The following SUGCT variants were observed in gnomAD, a reference collection of about 807,000 sequenced individuals.
The protein encoded by SUGCT is succinyl-CoA:glutarate CoA-transferase.
In SUGCT, 41 loss-of-function variants were observed where a neutral mutation model predicts 55.0. That is an observed-to-expected ratio of 0.74 (90% CI 0.58 to 0.97). SUGCT has a LOEUF of 0.97. Among genes scored for constraint, SUGCT ranks in the 50% least tolerant of loss-of-function variants. The pLI is 0.00. For synonymous variants in SUGCT, 187 were observed against 200.4 expected, an observed-to-expected ratio of 0.93 and a Z score of 0.56; for missense variants, 568 against 547.8, an observed-to-expected ratio of 1.04 and a Z score of -0.37.
At chr7:40,842,896 A>G (rs1793346968) in intron 13 of SUGCT, among the ~76,000 whole-genome samples, 1 of 152,188 alleles carries the variant, frequency 6.6e-6, no homozygotes, top group South Asian at 2.1e-4. Flanking sequence ...ACATGAGACT[A>G]TTTTGGTTCA....
intron 9 of SUGCT, among the ~76,000 whole-genome samples, chr7:40,401,408 T>TA (rs1786061257): frequency 6.6e-6 from 1 of 152,196 alleles, no homozygotes; most frequent in African/African-American, 2.4e-5. Context: ...ACAACTCTGT[T>TA]AAGTAGAAGT....
At position 40,192,107 on chromosome 7, in the gene SUGCT, C is replaced by CAA. The variant is rs34662909; in HGVS notation, c.363+2534_363+2535dup. ...TGGGTGACACAGTGAGATTCCATCTCAAAAAAAAAAAAAAAAAAAAAAGGA... is the reference window on the plus strand; with the variant it reads ...TGGGTGACACAGTGAGATTCCATCTCAAAAAAAAAAAAAAAAAAAAAAAAGGA... On this transcript the variant is annotated intron_variant, in intron 5 of 13. Transcript: ENST00000335693. Among the ~76,000 whole-genome samples, 460 of 58,970 alleles carry CAA rather than the reference C, an allele frequency of 7.8e-3. 2 individuals are homozygous for CAA. Among genetic ancestry groups the CAA allele is most frequent in the East Asian group, 0.012 (22 of 1,858 alleles). 38.7% of individuals were successfully genotyped at this position (58,970 alleles called of 152,430 possible).
intron 9 of SUGCT, among the ~76,000 whole-genome samples, chr7:40,345,536 T>C (rs774651019): frequency 6.6e-6 from 1 of 152,236 alleles, no homozygotes; most frequent in Non-Finnish European, 1.5e-5. Context: ...ATAGTTCTAA[T>C]ACATTCTTTG....
At chr7:40,853,855 A>C (rs1489398121) in intron 13 of SUGCT, among the ~76,000 whole-genome samples, 1 of 152,260 alleles carries the variant, frequency 6.6e-6, no homozygotes, top group East Asian at 1.9e-4. Flanking sequence ...CGAATATCTA[A>C]GAAAGAATGC....
intron 7 of SUGCT, among the ~76,000 whole-genome samples, chr7:40,248,013 GTTTTT>G (rs70996895): frequency 1.6e-5 from 2 of 123,066 alleles, no homozygotes; most frequent in African/African-American, 6.0e-5. Flanking sequence ...TTGTTTTTTT[GTTTTT>G]TTTTTTTTTT....
chr7:40,246,856 C>G (rs1789917565), intron 7 of SUGCT, among the ~76,000 whole-genome samples: 1 of 152,074 alleles, frequency 6.6e-6, no homozygotes, highest in African/African-American at 2.4e-5. Flanking sequence ...ACCTCAGCCT[C>G]CCAAAGTGCT....
At chr7:40,197,309 A>G (rs539303304) in intron 6 of SUGCT, among the ~76,000 whole-genome samples, 151 of 152,336 alleles carry the variant, frequency 9.9e-4, no homozygotes, top group Non-Finnish European at 1.6e-3. Context: ...TTTTTCCATC[A>G]GAATCTTGTA....
chr7:41,032,985 ATC>A, the SUGCT span, among the ~76,000 whole-genome samples: 13 of 152,274 alleles, frequency 8.5e-5, no homozygotes, highest in African/African-American at 3.1e-4. Flanking sequence ...GATGGTCTCG[ATC>A]TCCTGACCTT....
chr7:40,485,034 G>A (rs1240118786), intron 11 of SUGCT, among the ~76,000 whole-genome samples: 1 of 152,058 alleles, frequency 6.6e-6, no homozygotes, highest in Non-Finnish European at 1.5e-5. Context: ...TACCCCACAG[G>A]ATGTTGGAAG....
chr7:41,029,540 C>T, the SUGCT span, among the ~76,000 whole-genome samples: 1 of 152,292 alleles, frequency 6.6e-6, no homozygotes, highest in East Asian at 1.9e-4. Context: ...CTGAAACTCC[C>T]TTGCCTTCCT....
intron 9 of SUGCT, among the ~76,000 whole-genome samples, chr7:40,439,621 G>C (rs1788390303): frequency 6.6e-6 from 1 of 152,092 alleles, no homozygotes; most frequent in South Asian, 2.1e-4. Context: ...TGTCTTCAGT[G>C]ATATGTCAGA....
At chr7:40,820,578 G>A (rs1791936774) in intron 13 of SUGCT, among the ~76,000 whole-genome samples, 1 of 152,134 alleles carries the variant, frequency 6.6e-6, no homozygotes, top group South Asian at 2.1e-4. Context: ...TCTGTTATTG[G>A]TGTATAGGAA....
intron 7 of SUGCT, among the ~76,000 whole-genome samples, chr7:40,258,926 G>C (rs1791026245): frequency 6.6e-6 from 1 of 152,122 alleles, no homozygotes; most frequent in African/African-American, 2.4e-5. Flanking sequence ...ATGAATGAAT[G>C]AATAAATGGA....
chr7:40,807,073 T>C (rs1791139834), intron 13 of SUGCT, among the ~76,000 whole-genome samples: 1 of 152,210 alleles, frequency 6.6e-6, no homozygotes, highest in Non-Finnish European at 1.5e-5. Context: ...AAGATGCTAA[T>C]TGGTAATAGC....
the SUGCT span, among the ~76,000 whole-genome samples, chr7:40,953,981 TCAGA>T: frequency 6.6e-6 from 1 of 152,244 alleles, no homozygotes; most frequent in African/African-American, 2.4e-5. Context: ...TTCAAAGCTG[TCAGA>T]CAGGGACATT....
intron 13 of SUGCT, among the ~76,000 whole-genome samples, chr7:40,827,206 A>T (rs1792357433): frequency 6.6e-6 from 1 of 152,160 alleles, no homozygotes; most frequent in Admixed American, 6.5e-5. Flanking sequence ...ACTGGAGCAA[A>T]CTCAGACCGC....
chr7:40,535,306 C>A (rs1794302148), intron 12 of SUGCT, among the ~76,000 whole-genome samples: 1 of 152,256 alleles, frequency 6.6e-6, no homozygotes, highest in African/African-American at 2.4e-5. Context: ...AACCCTTGTT[C>A]CCCTTCCTCC....
At chr7:40,283,680 G>T (rs984578534) in intron 8 of SUGCT, among the ~76,000 whole-genome samples, 1 of 152,098 alleles carries the variant, frequency 6.6e-6, no homozygotes, top group Admixed American at 6.6e-5. Flanking sequence ...AACAAGTGTT[G>T]GTGAGGGTGT....
At chr7:40,403,678 T>C (rs1380481704) in intron 9 of SUGCT, among the ~76,000 whole-genome samples, 1 of 152,218 alleles carries the variant, frequency 6.6e-6, no homozygotes, top group Non-Finnish European at 1.5e-5. Context: ...TTTGAGTTTC[T>C]GAGGCTGCCA....
Sources: gnomAD v4.1 joint callset for allele counts (sites outside exome capture counted in the v4.1 genomes callset) on GRCh38, gnomAD v4.1.1 for gene constraint, MANE v1.5 for transcripts, NCBI Gene and HGNC (gene_info 2026-07-23, HGNC 2026-07-21) for gene names.